SHISA9: variants seen among roughly 807,000 people sequenced by gnomAD.
SHISA9 encodes shisa family member 9.
SHISA9 carries 13 observed loss-of-function variants against 38.0 expected under a neutral mutation model. The ratio of observed to expected loss-of-function variants is 0.34; its 90% confidence interval spans 0.22 to 0.54. The LOEUF (loss-of-function observed/expected upper bound fraction) is 0.54. Ranked by LOEUF, SHISA9 falls within the 20% of genes least tolerant of loss-of-function variation. SHISA9 has a pLI of 0.91. For missense variants in SHISA9, 538 were observed against 575.8 expected (o/e 0.93, Z 0.67); for synonymous variants, 275 against 242.0 (o/e 1.14, Z -1.27).
chr16:13,131,118 T>C (rs1234387265), intron 2 of SHISA9, among the ~76,000 whole-genome samples: 1 of 145,034 alleles, frequency 6.9e-6, no homozygotes, highest in East Asian at 2.0e-4. Context: ...CTGGGTATTA[T>C]ATACCCAAAG....
intron 3 of SHISA9, among the ~76,000 whole-genome samples, chr16:13,211,064 A>G (rs1352291479): frequency 6.6e-6 from 1 of 152,172 alleles, no homozygotes; most frequent in Non-Finnish European, 1.5e-5. Flanking sequence ...TGGGAGGCCA[A>G]AGCAGACAGA....
chr16:13,073,737 C>T (rs2073546451), intron 2 of SHISA9, among the ~76,000 whole-genome samples: 1 of 151,972 alleles, frequency 6.6e-6, no homozygotes, highest in African/African-American at 2.4e-5. Context: ...GACAAGTGTC[C>T]TTAGAAGAAA....
chr16:12,969,850 G>A (rs1042952640), intron 2 of SHISA9, among the ~76,000 whole-genome samples: 7 of 152,070 alleles, frequency 4.6e-5, no homozygotes, highest in Admixed American at 2.0e-4. Flanking sequence ...AAATCAGCAC[G>A]CAAAAAAGTA....
At chr16:13,554,038 A>C in the SHISA9 span, among the ~76,000 whole-genome samples, 1 of 152,200 alleles carries the variant, frequency 6.6e-6, no homozygotes, top group Non-Finnish European at 1.5e-5. Flanking sequence ...TTCTGGGAGA[A>C]TATGCTTCCT....
chr16:13,029,481 G>A (rs1365189533), intron 2 of SHISA9, among the ~76,000 whole-genome samples: 1 of 152,186 alleles, frequency 6.6e-6, no homozygotes, highest in Non-Finnish European at 1.5e-5. Context: ...GGTGGCACAC[G>A]CTTGTGGTCC....
the SHISA9 span, among the ~76,000 whole-genome samples, chr16:13,317,252 A>T: frequency 1.3e-5 from 2 of 152,212 alleles, no homozygotes; most frequent in African/African-American, 4.8e-5. Flanking sequence ...GAAGTCTTCA[A>T]ACCTCTCCTT....
At chr16:13,307,021 T>C in the SHISA9 span, among the ~76,000 whole-genome samples, 1 of 152,240 alleles carries the variant, frequency 6.6e-6, no homozygotes, top group Non-Finnish European at 1.5e-5. Context: ...TTTAAAATGT[T>C]ACAAACATGT....
intron 2 of SHISA9, among the ~76,000 whole-genome samples, chr16:12,941,888 A>G (rs2071616909): frequency 6.6e-6 from 1 of 152,220 alleles, no homozygotes; most frequent in African/African-American, 2.4e-5. Context: ...TTTTGATTAT[A>G]GTCACCCTGT....
At chr16:13,187,333 T>TTTTCTTTTC (rs1567239825) in intron 2 of SHISA9, among the ~76,000 whole-genome samples, 6 of 40,664 alleles carry the variant, frequency 1.5e-4, no homozygotes, top group African/African-American at 8.2e-4. Context: ...CTTTTCTTTT[T>TTTTCTTTTC]TTTTTTTTTT....
At chr16:12,994,303 T>C (rs548760264) in intron 2 of SHISA9, among the ~76,000 whole-genome samples, 13 of 152,262 alleles carry the variant, frequency 8.5e-5, no homozygotes, top group Admixed American at 3.9e-4. Flanking sequence ...ACCTGGAATA[T>C]GTTTTGGAGG....
At chr16:12,925,645 A>T (rs1195533474) in intron 2 of SHISA9, among the ~76,000 whole-genome samples, 1 of 152,226 alleles carries the variant, frequency 6.6e-6, no homozygotes, top group Non-Finnish European at 1.5e-5. Flanking sequence ...TTGTAAAGAA[A>T]GCCTAAGTGC....
the SHISA9 span, among the ~76,000 whole-genome samples, chr16:13,404,408 G>A: frequency 6.6e-6 from 1 of 152,214 alleles, no homozygotes; most frequent in Non-Finnish European, 1.5e-5. Flanking sequence ...GTAAATCTCT[G>A]AGGAAGGGAA....
At chr16:13,080,855 G>T (rs531677474) in intron 2 of SHISA9, among the ~76,000 whole-genome samples, 1 of 152,346 alleles carries the variant, frequency 6.6e-6, no homozygotes, top group East Asian at 1.9e-4. Context: ...AGACTGGGAA[G>T]TCGAAGGACG....
chr16:13,251,747 C>T, the SHISA9 span, among the ~76,000 whole-genome samples: 3 of 152,176 alleles, frequency 2.0e-5, no homozygotes, highest in East Asian at 1.9e-4. Context: ...AATACCTGCA[C>T]ACAGTACCTT....
chr16:12,947,111 G>T (rs919728225), intron 2 of SHISA9, among the ~76,000 whole-genome samples: 3 of 152,146 alleles, frequency 2.0e-5, no homozygotes, highest in Admixed American at 6.5e-5. Context: ...TCCCAAGGTG[G>T]GTGTTACTCT....
intron 2 of SHISA9, among the ~76,000 whole-genome samples, chr16:13,089,990 T>G (rs1329616337): frequency 6.6e-6 from 1 of 152,228 alleles, no homozygotes; most frequent in African/African-American, 2.4e-5. Context: ...CCAGAGATTC[T>G]GGTGCATTGT....
intron 4 of SHISA9, among the ~76,000 whole-genome samples, chr16:13,222,799 T>C (rs1490050387): frequency 6.8e-5 from 8 of 118,002 alleles, no homozygotes; most frequent in Admixed American, 6.2e-4. Flanking sequence ...TATGTATATA[T>C]ATATATATAT....
At chr16:13,481,568 A>G in the SHISA9 span, among the ~76,000 whole-genome samples, 1 of 152,174 alleles carries the variant, frequency 6.6e-6, no homozygotes, top group Non-Finnish European at 1.5e-5. Context: ...TTTGTAACTG[A>G]CAGCTTATGT....
At chr16:13,087,571 G>A (rs2073727291) in intron 2 of SHISA9, among the ~76,000 whole-genome samples, 1 of 152,192 alleles carries the variant, frequency 6.6e-6, no homozygotes, top group Non-Finnish European at 1.5e-5. Flanking sequence ...TTTCTCTGAT[G>A]ATCAGTGATG....
Sources: gnomAD v4.1 joint callset for allele counts (sites outside exome capture counted in the v4.1 genomes callset) on GRCh38, gnomAD v4.1.1 for gene constraint, MANE v1.5 for transcripts, NCBI Gene and HGNC (gene_info 2026-07-23, HGNC 2026-07-21) for gene names.